The following NRXN1 variants were observed in gnomAD, a reference collection of about 807,000 sequenced individuals.
NRXN1 encodes neurexin 1.
A neutral mutation model predicts 150.9 loss-of-function variants in NRXN1; 39 were observed. That is an observed-to-expected ratio of 0.26 (90% CI 0.20 to 0.34). The LOEUF (loss-of-function observed/expected upper bound fraction) is 0.34. Ranked by LOEUF, NRXN1 falls within the 10% of genes least tolerant of loss-of-function variation. The pLI is 1.00. For missense variants in NRXN1, 1,815 were observed against 1,949.9 expected, an observed-to-expected ratio of 0.93 and a Z score of 1.30; for synonymous variants, 924 against 757.0, an observed-to-expected ratio of 1.22 and a Z score of -3.62.
In NRXN1 at chr2:50,347,278, A is replaced by G. The variant is rs138316079; in HGVS notation, c.3365-110308T>C. 1.3e-3 allele frequency: 1,753 copies of G among 1,301,060 alleles called. 17 individuals carry two copies. The highest frequency in any genetic ancestry group is 0.01 in the East Asian group (183 of 17,952). The allele number at this position is 1,301,060 out of a possible 1,614,324, so 80.6% of individuals were successfully genotyped here. A position where few individuals can be genotyped will look rare whatever the true frequency, so the allele number is the denominator to read the frequency against. On this transcript the variant is annotated intron_variant, in intron 17 of 22. Transcript: ENST00000401669. This position sits in a 1 kb window ranked among gnomAD's most constrained non-coding sequence, Gnocchi z 4.9. ...CTCCAGGTTCTCGAGAGATACTCCC[A>G]AAGAGTTTCGGGCGAGAGTGCGTGC...
intron 21 of NRXN1, among the ~76,000 whole-genome samples, chr2:50,020,687 G>T (rs553318000): frequency 6.6e-6 from 1 of 152,282 alleles, no homozygotes; most frequent in Admixed American, 6.5e-5. Context: ...TTCAGGATTA[G>T]CCAGGTAGAG....
intron 18 of NRXN1, among the ~76,000 whole-genome samples, chr2:50,117,464 A>G (rs1295504894): frequency 6.6e-6 from 1 of 152,140 alleles, no homozygotes; most frequent in Non-Finnish European, 1.5e-5. Context: ...TAAGCAATAT[A>G]AGCATTTGTG....
chr2:50,699,816 T>C (rs1429567570), intron 5 of NRXN1, among the ~76,000 whole-genome samples: 2 of 152,078 alleles, frequency 1.3e-5, no homozygotes, highest in Non-Finnish European at 2.9e-5. Flanking sequence ...ATAATAAATG[T>C]AGTCTGTTAT....
chr2:50,456,271 A>G (rs2087548254), intron 17 of NRXN1, among the ~76,000 whole-genome samples: 1 of 152,026 alleles, frequency 6.6e-6, no homozygotes, highest in Non-Finnish European at 1.5e-5. Context: ...GTACCTTCCT[A>G]TCTCACCAAA....
At chr2:50,497,738 T>G (rs201926049) in intron 13 of NRXN1, 24 bp from the exon 14 acceptor site, 1 of 1,565,248 alleles carries the variant, frequency 6.4e-7, no homozygotes, top group Admixed American at 1.9e-5. Flanking sequence ...TAATATATGA[T>G]TATTTTCTGT....
intron 12 of NRXN1, among the ~76,000 whole-genome samples, chr2:50,522,145 GCTCTTC>G: frequency 6.6e-6 from 1 of 152,222 alleles, no homozygotes; most frequent in Admixed American, 6.5e-5. Context: ...TTTAGAAGCA[GCTCTTC>G]ATAACGACAA....
chr2:50,081,827 G>A, intron 19 of NRXN1, among the ~76,000 whole-genome samples: 1 of 152,116 alleles, frequency 6.6e-6, no homozygotes, highest in Non-Finnish European at 1.5e-5. Flanking sequence ...TAAGAACTCA[G>A]AGTGTTTGAG....
chr2:51,012,289 T>C (rs1668002727), intron 2 of NRXN1, among the ~76,000 whole-genome samples: 1 of 152,066 alleles, frequency 6.6e-6, no homozygotes, highest in South Asian at 2.1e-4. Context: ...TATTTTGATA[T>C]GGAAGAATCC....
intron 18 of NRXN1, among the ~76,000 whole-genome samples, chr2:50,141,943 C>T (rs1574135503): frequency 6.6e-6 from 1 of 152,036 alleles, no homozygotes; most frequent in Non-Finnish European, 1.5e-5. Context: ...AGCAATCCCA[C>T]TACTGGGTAT....
intron 5 of NRXN1, among the ~76,000 whole-genome samples, chr2:50,697,050 C>T (rs1270208507): frequency 6.6e-6 from 1 of 152,134 alleles, no homozygotes; most frequent in Non-Finnish European, 1.5e-5. Context: ...CACAAACGTC[C>T]TACTGTACCA....
chr2:50,629,598 A>T (rs1035222777), intron 5 of NRXN1, among the ~76,000 whole-genome samples: 8 of 151,634 alleles, frequency 5.3e-5, no homozygotes, highest in African/African-American at 1.7e-4. Flanking sequence ...TACATTTATC[A>T]GCATAAATAC....
chr2:50,751,354 T>C (rs1316862975), intron 5 of NRXN1, among the ~76,000 whole-genome samples: 1 of 152,014 alleles, frequency 6.6e-6, no homozygotes, highest in Non-Finnish European at 1.5e-5. Context: ...GTCTACTGTA[T>C]TAAACAGAAA....
At chr2:50,313,033 A>G (rs2075304815) in intron 17 of NRXN1, among the ~76,000 whole-genome samples, 1 of 152,116 alleles carries the variant, frequency 6.6e-6, no homozygotes, top group Admixed American at 6.6e-5. Context: ...AAAGTATATA[A>G]CAACATTATA....
chr2:50,739,347 C>A, intron 5 of NRXN1: 1 of 396,258 alleles, frequency 2.5e-6, no homozygotes. Flanking sequence ...ATACTAGTCA[C>A]AAAGTGAAAT....
intron 5 of NRXN1, among the ~76,000 whole-genome samples, chr2:50,699,247 C>T (rs1297420967): frequency 6.6e-6 from 1 of 152,206 alleles, no homozygotes; most frequent in African/African-American, 2.4e-5. Flanking sequence ...GCAATATTCA[C>T]ACCTTATAAC....
chr2:50,671,769 A>G (rs912930938), intron 5 of NRXN1, among the ~76,000 whole-genome samples: 1 of 151,880 alleles, frequency 6.6e-6, no homozygotes, highest in African/African-American at 2.4e-5. Context: ...ATATTTTGCT[A>G]TTTTGTTAAG....
At chr2:50,280,394 A>G (rs2071270143) in intron 17 of NRXN1, among the ~76,000 whole-genome samples, 1 of 152,150 alleles carries the variant, frequency 6.6e-6, no homozygotes, top group South Asian at 2.1e-4. Flanking sequence ...TTTCAAGTTG[A>G]AAATCTCCTG....
At chr2:50,973,603 G>C (rs1289429167) in intron 2 of NRXN1, among the ~76,000 whole-genome samples, 2 of 151,970 alleles carry the variant, frequency 1.3e-5, no homozygotes, top group African/African-American at 2.4e-5. Context: ...TAGAGTATAT[G>C]TATATAGAGT....
chr2:50,186,605 A>G (rs934749226), intron 18 of NRXN1, among the ~76,000 whole-genome samples: 4 of 152,034 alleles, frequency 2.6e-5, no homozygotes, highest in Non-Finnish European at 2.9e-5. Flanking sequence ...TTATTTCTTG[A>G]TTTGGCCAGG....
Sources: allele counts gnomAD v4.1 joint callset (sites outside exome capture counted in the v4.1 genomes callset), GRCh38; gene constraint gnomAD v4.1.1; non-coding constraint Gnocchi (gnomAD v3.1); transcripts MANE v1.5; gene names NCBI Gene and HGNC (gene_info 2026-07-23, HGNC 2026-07-21).